Variants in ZNF599 observed in about 807,000 individuals in gnomAD.
ZNF599 encodes zinc finger protein 599.
A neutral mutation model predicts 11.7 loss-of-function variants in ZNF599; 10 were observed. That is an observed-to-expected ratio of 0.86 (90% CI 0.53 to 1.45). ZNF599 has a LOEUF of 1.45. ZNF599 is among the 40% of genes most tolerant of loss of function. ZNF599 has a pLI of 0.00. For synonymous variants in ZNF599, 232 were observed against 253.2 expected, an observed-to-expected ratio of 0.92 and a Z score of 0.79; for missense variants, 688 against 713.6, an observed-to-expected ratio of 0.96 and a Z score of 0.41.
At chr19:34,763,230 A>T (rs981714435) in intron 3 of ZNF599, 1 of 152,266 alleles carries the variant, frequency 6.6e-6, no homozygotes, top group Non-Finnish European at 1.5e-5. Flanking sequence ...TTAAAGGAGG[A>T]TGAATAAATA....
Position 34,758,144 on chromosome 19 carries a change from A to G in ZNF599, c.*890T>C, listed in dbSNP as rs967210710. On this transcript the variant is annotated 3_prime_UTR_variant, in exon 4 of 4. Coordinates refer to ENST00000329285, the MANE Select transcript of ZNF599 (RefSeq NM_001007248.3). Reference sequence around the variant, plus strand: ...CAAGAAACACTGATAAAGTGTCTTTAAACAAACAAACAAACAAATACCCAT... The same window carrying G: ...CAAGAAACACTGATAAAGTGTCTTTGAACAAACAAACAAACAAATACCCAT... 6.6e-6 allele frequency: 1 copy of G among 152,122 alleles called. No individual in the cohort carries two copies. Among genetic ancestry groups the G allele is most frequent in the Non-Finnish European group, 1.5e-5 (1 of 68,014 alleles). The allele number at this position is 152,122 out of a possible 1,614,324, so 9.4% of individuals were successfully genotyped here.
rs200370742 is a variant in ZNF599, at chr19:34,760,060, C to G, written c.741G>C (p.Arg247Ser). 1 of 1,614,082 alleles carries G rather than the reference C, an allele frequency of 6.2e-7. No individual in the cohort carries two copies. Among genetic ancestry groups the G allele is most frequent in the Non-Finnish European group, 8.5e-7 (1 of 1,179,998 alleles). ...TGTATGGTTTTTCCCCAGTATGAAG[C>G]CTCATATGTCGAATGACATCAGCCA... ...RYMADVIRHM[R>S]LHTGEKPYKC... is the part of the protein sequence containing the mutation. Residue 247 changes from arginine to serine, a missense_variant, in exon 4 of 4, where the codon AGG becomes AGC. Arg to Ser is a moderately radical substitution (Grantham distance 110). Coordinates refer to ENST00000329285, the MANE Select transcript of ZNF599 (RefSeq NM_001007248.3).
chr19:34,766,049 G>C (rs947124063), intron 3 of ZNF599, among the ~76,000 whole-genome samples: 8 of 152,160 alleles, frequency 5.3e-5, no homozygotes, highest in Non-Finnish European at 1.2e-4. Flanking sequence ...TCCACTCATT[G>C]AAAGAGGCAT....
At chr19:34,801,402 A>C in the ZNF599 span, among the ~76,000 whole-genome samples, 1 of 152,236 alleles carries the variant, frequency 6.6e-6, no homozygotes, top group Non-Finnish European at 1.5e-5. Flanking sequence ...TGTTCCCTGC[A>C]CTAATAAGGT....
the ZNF599 span, among the ~76,000 whole-genome samples, chr19:34,804,672 CCAAAA>C: frequency 7.2e-5 from 11 of 152,170 alleles, no homozygotes; most frequent in Non-Finnish European, 1.6e-4. Context: ...CTTCACATGG[CCAAAA>C]CAAAACTCCC....
chr19:34,762,304 C>T (rs923095102), intron 3 of ZNF599, among the ~76,000 whole-genome samples: 2 of 152,252 alleles, frequency 1.3e-5, no homozygotes, highest in Non-Finnish European at 2.9e-5. Context: ...ATTTTATACT[C>T]GCTAGGTTGA....
the ZNF599 span, among the ~76,000 whole-genome samples, chr19:34,793,055 G>A: frequency 6.6e-6 from 1 of 152,116 alleles, no homozygotes; most frequent in South Asian, 2.1e-4. Flanking sequence ...GGAGATGCAG[G>A]GGGAGCCTGC....
At chr19:34,780,921 C>T in the ZNF599 span, among the ~76,000 whole-genome samples, 3 of 152,048 alleles carry the variant, frequency 2.0e-5, no homozygotes, top group Admixed American at 2.0e-4. Flanking sequence ...CTTTGGGAGG[C>T]CGAGGCAGGT....
chr19:34,793,227 G>C, the ZNF599 span, among the ~76,000 whole-genome samples: 1 of 152,204 alleles, frequency 6.6e-6, no homozygotes, highest in East Asian at 1.9e-4. Context: ...AATAAGTCAT[G>C]CTCAAAAATG....
chr19:34,788,507 A>G, the ZNF599 span: 1 of 152,232 alleles, frequency 6.6e-6, no homozygotes, highest in Non-Finnish European at 1.5e-5. Context: ...TTTTGAAGAA[A>G]CAGCATAAAG....
At position 34,760,495 on chromosome 19, in the gene ZNF599, G is replaced by A; in HGVS notation, c.306C>T (p.Ser102=). 6.2e-7 allele frequency: 1 copy of A among 1,614,132 alleles called. No individual in the cohort carries two copies. Among genetic ancestry groups the A allele is most frequent in the Non-Finnish European group, 8.5e-7 (1 of 1,180,022 alleles). The change falls in exon 4 of 4, where the codon TCC becomes TCT. Residue 102 remains serine (S), a synonymous_variant. Transcript: ENST00000329285. ...TCTGTGCCAGAAGTTCCTGGAAAGAGGATTCCTCAGAGAAGGCCAGCTGAG... is the reference window on the plus strand; with the variant it reads ...TCTGTGCCAGAAGTTCCTGGAAAGAAGATTCCTCAGAGAAGGCCAGCTGAG... The part of the protein sequence containing the change: ...TASQLAFSEE[S]SFQELLAQRS...
At position 34,760,577 on chromosome 19, in the gene ZNF599, T is replaced by A; in HGVS notation, c.242-18A>T. The A allele has an allele frequency of 6.4e-7, 1 of 1,568,250 alleles. No individual in the cohort carries two copies. ...TTTTTCACCTGAAGGAAATCCAATA[T>A]AAAAAAAACTGAACATTAGTGATGT... On this transcript the variant is annotated intron_variant, in intron 3 of 3. Transcript: ENST00000329285.
chr19:34,759,949 C>A lies in ZNF599; in HGVS notation c.852G>T (p.Glu284Asp), dbSNP rs151123458. 4 of 1,614,050 alleles carry A rather than the reference C, an allele frequency of 2.5e-6. No individual in the cohort carries two copies. The African/African-American group carries it at 5.3e-5, about 22-fold the overall frequency. ...QRIHTGDKPYECKECGKAFTH... is the reference protein window; with the variant it reads ...QRIHTGDKPYDCKECGKAFTH... ...TGAATGCTTTGCCACATTCTTTGCA[C>A]TCATAGGGCTTATCTCCGGTGTGAA... is the stretch of plus-strand genomic sequence containing the variant. Residue 284 changes from glutamate to aspartate, a missense_variant, in exon 4 of 4, where the codon GAG becomes GAT. By Grantham distance (45) the Glu-to-Asp change is conservative. Coordinates refer to ENST00000329285, the MANE Select transcript of ZNF599 (RefSeq NM_001007248.3).
Position 34,759,481 on chromosome 19 carries a change from T to A in ZNF599, c.1320A>T (p.Gln440His). 1 of 1,614,056 alleles carries A rather than the reference T, an allele frequency of 6.2e-7. No individual in the cohort carries two copies. The change falls in exon 4 of 4, where the codon CAA (glutamine) becomes CAT (histidine). Residue 440 changes from glutamine to histidine, a missense_variant. Physicochemically the swap from Gln to His is conservative, Grantham distance 24 (BLOSUM62 0). Transcript: ENST00000329285. ...KAFCDSSSLI[Q>H]HMRIHTGEKP... ...TCTCACCAGTGTGAATCCTCATATG[T>A]TGAATTAAGGAAGAGCTGTCACAAA...
At chr19:34,789,073 G>A in the ZNF599 span, among the ~76,000 whole-genome samples, 1 of 152,028 alleles carries the variant, frequency 6.6e-6, no homozygotes, top group Non-Finnish European at 1.5e-5. Flanking sequence ...TGTATCCTTT[G>A]AGCAACTTTT....
In ZNF599 at chr19:34,772,910, C is replaced by G; in HGVS notation, c.-69G>C. 1.4e-6 allele frequency: 2 copies of G among 1,394,400 alleles called. No individual in the cohort carries two copies. Among genetic ancestry groups the G allele is most frequent in the Non-Finnish European group, 1.9e-6 (2 of 1,078,798 alleles). The allele number at this position is 1,394,400 out of a possible 1,614,324, so 86.4% of individuals were successfully genotyped here. A position where few individuals can be genotyped will look rare whatever the true frequency, so the allele number is the denominator to read the frequency against. ...CCGGTCCTGCGGGCTCGGCCGACCC[C>G]GGGCTCCGGCTCTGGGCTGCGAGGG... On this transcript the variant is annotated 5_prime_UTR_variant, in exon 1 of 4. Transcript: ENST00000329285.
At chr19:34,798,318 C>T in the ZNF599 span, among the ~76,000 whole-genome samples, 6 of 152,144 alleles carry the variant, frequency 3.9e-5, no homozygotes, top group Non-Finnish European at 7.4e-5. Flanking sequence ...GCCTTCTCAG[C>T]GACAGAGCAA....
At chr19:34,797,335 G>A in the ZNF599 span, among the ~76,000 whole-genome samples, 3 of 152,096 alleles carry the variant, frequency 2.0e-5, no homozygotes, top group African/African-American at 7.2e-5. Context: ...ACCCAGTAGT[G>A]GGATTGCTGG....
At chr19:34,787,143 C>T in the ZNF599 span, among the ~76,000 whole-genome samples, 1 of 152,104 alleles carries the variant, frequency 6.6e-6, no homozygotes, top group South Asian at 2.1e-4. Flanking sequence ...ACACCACATA[C>T]CTCATGGGAA....
Sources: allele counts gnomAD v4.1 joint callset (sites outside exome capture counted in the v4.1 genomes callset), GRCh38; gene constraint gnomAD v4.1.1; transcripts MANE v1.5; gene names NCBI Gene and HGNC (gene_info 2026-07-23, HGNC 2026-07-21).